The following URI1 variants were observed in gnomAD, a reference collection of about 807,000 sequenced individuals.
URI1 encodes the protein unconventional prefoldin RPB5 interactor 1.
URI1 carries 39 observed loss-of-function variants against 60.2 expected under a neutral mutation model. That is an observed-to-expected ratio of 0.65 (90% CI 0.50 to 0.85). URI1 has a LOEUF of 0.85. Ranked by LOEUF, URI1 falls within the 40% of genes least tolerant of loss-of-function variation. The pLI is 0.00. For missense variants in URI1, 691 were observed against 665.9 expected (o/e 1.04, Z -0.42); for synonymous variants, 251 against 236.8 (o/e 1.06, Z -0.55).
chr19:29,980,530 G>A (rs772866327), intron 2 of URI1, among the ~76,000 whole-genome samples: 13 of 142,346 alleles, frequency 9.1e-5, no homozygotes, highest in Admixed American at 5.2e-4. Context: ...CTCTTTCCCC[G>A]TTAGGCATCT....
chr19:29,984,854 G>T (rs761678326), intron 2 of URI1, among the ~76,000 whole-genome samples: 4 of 151,964 alleles, frequency 2.6e-5, no homozygotes, highest in African/African-American at 7.3e-5. Flanking sequence ...AGGTGCAGTG[G>T]CTCACGCCTG....
chr19:29,996,434 C>G (rs1287684372), intron 4 of URI1, among the ~76,000 whole-genome samples: 1 of 151,870 alleles, frequency 6.6e-6, no homozygotes, highest in East Asian at 1.9e-4. Flanking sequence ...GATTTTGCAT[C>G]CTGCAACTTT....
chr19:29,926,711 G>T (rs2054871409), intron 1 of URI1, among the ~76,000 whole-genome samples: 1 of 152,240 alleles, frequency 6.6e-6, no homozygotes, highest in African/African-American at 2.4e-5. Flanking sequence ...AAGAAAATGT[G>T]TGAAACGACC....
At chr19:29,977,696 C>A (rs1219113097) in intron 2 of URI1, among the ~76,000 whole-genome samples, 1 of 150,476 alleles carries the variant, frequency 6.6e-6, no homozygotes, top group Non-Finnish European at 1.5e-5. Flanking sequence ...TCATATATGT[C>A]AAATCTTGTC....
At chr19:29,956,473 C>A in intron 1 of URI1, 1 of 1,590,570 alleles carries the variant, frequency 6.3e-7, no homozygotes, top group African/African-American at 1.3e-5. Context: ...CAAAAATTTC[C>A]TGATATCCTT....
intron 3 of URI1, 65 bp downstream of exon 3, chr19:29,985,366 G>T: frequency 7.2e-7 from 1 of 1,384,146 alleles, no homozygotes; most frequent in Non-Finnish European, 1.0e-6. Flanking sequence ...CTATGTGTCG[G>T]TTCACAGAAT....
intron 1 of URI1, among the ~76,000 whole-genome samples, chr19:29,945,253 A>G (rs1452701259): frequency 2.0e-5 from 3 of 152,202 alleles, no homozygotes; most frequent in Non-Finnish European, 4.4e-5. Context: ...TTAGGGCATA[A>G]TCTTCTCTGG....
At position 29,962,805 on chromosome 19, in the gene URI1, T is replaced by A. The variant is rs372572695; in HGVS notation, c.118-8388T>A. 6.3e-4 allele frequency among the ~76,000 whole-genome samples: 96 copies of A among 152,352 alleles called. 1 individual carries two copies. The South Asian group carries it at 6.6e-3, about 11-fold the overall frequency. ...AACCGTATTTCTTTTAATGAAAGTCTGCTGGTGCAGAATTCTGTTTCTGTT... is the reference window on the plus strand; with the variant it reads ...AACCGTATTTCTTTTAATGAAAGTCAGCTGGTGCAGAATTCTGTTTCTGTT... On this transcript the variant is annotated intron_variant, in intron 1 of 10. Coordinates refer to ENST00000392271, the MANE Select transcript of URI1 (RefSeq NM_003796.3).
At chr19:29,994,419 C>T (rs1291398499) in intron 4 of URI1, among the ~76,000 whole-genome samples, 3 of 151,554 alleles carry the variant, frequency 2.0e-5, no homozygotes, top group African/African-American at 7.3e-5. Context: ...GGTGATAACT[C>T]CCCATTTTTT....
chr19:29,986,394 G>A lies in URI1; in HGVS notation c.344G>A (p.Gly115Asp), dbSNP rs149206403. ...FAKCSAKQAV[G>D]LVEHRKEHVR... ...AAGTGCTCAGCAAAGCAGGCTGTAG[G>A]TTTAGTTGAGCACCGGAAAGAACGT... The change falls in exon 4 of 11, where the codon GGT becomes GAT. Residue 115 changes from glycine (G) to aspartate (D), a missense_variant. Physicochemically the swap from Gly to Asp is moderately conservative, Grantham distance 94. Coordinates refer to ENST00000392271, the MANE Select transcript of URI1 (RefSeq NM_003796.3). 2.5e-6 allele frequency: 4 copies of A among 1,608,586 alleles called. No individual in the cohort carries two copies. Among genetic ancestry groups the A allele is most frequent in the Admixed American group, 1.7e-5 (1 of 57,740 alleles).
chr19:29,980,913 C>CT (rs2055588630), intron 2 of URI1, among the ~76,000 whole-genome samples: 1 of 103,628 alleles, frequency 9.6e-6, no homozygotes, highest in East Asian at 2.8e-4. Context: ...AAGAGTGAGA[C>CT]TCCATCTCCA....
chr19:29,974,568 A>G (rs750507512), intron 2 of URI1, among the ~76,000 whole-genome samples: 4 of 152,108 alleles, frequency 2.6e-5, no homozygotes, highest in Non-Finnish European at 5.9e-5. Context: ...TTATCTTGCC[A>G]TCTACTCCTA....
rs866710858 is a variant in URI1 at position 29,996,820 on chromosome 19, G to A, written c.368-8541G>A. Among the ~76,000 whole-genome samples the A allele has an allele frequency of 3.3e-5, 5 of 151,704 alleles. 1 individual carries two copies. In the South Asian group the frequency reaches 8.3e-4, roughly 25 times the overall value. On this transcript the variant is annotated intron_variant, in intron 4 of 10. Coordinates refer to ENST00000392271, the MANE Select transcript of URI1 (RefSeq NM_003796.3). ...GAGTTTTTTTTTTTAATCATGAAAGGTTGTTGGATTTTGTCAAAGGCTTTT... is the reference window on the plus strand; with the variant it reads ...GAGTTTTTTTTTTTAATCATGAAAGATTGTTGGATTTTGTCAAAGGCTTTT...
chr19:29,975,596 C>T (rs113917821), intron 2 of URI1, among the ~76,000 whole-genome samples: 2 of 150,396 alleles, frequency 1.3e-5, no homozygotes, highest in African/African-American at 4.9e-5. Context: ...TTCTGCCTCG[C>T]GGGTTCAAGC....
chr19:29,986,034 T>C (rs1037802775), intron 3 of URI1, among the ~76,000 whole-genome samples: 5 of 152,240 alleles, frequency 3.3e-5, no homozygotes, highest in Non-Finnish European at 7.3e-5. Flanking sequence ...TTAAGAGCTA[T>C]ATGTAAATAT....
intron 1 of URI1, among the ~76,000 whole-genome samples, chr19:29,966,597 T>C (rs1599682373): frequency 6.6e-6 from 1 of 152,238 alleles, no homozygotes; most frequent in African/African-American, 2.4e-5. Context: ...AGTACACTAT[T>C]TGTATACTTT....
At chr19:29,977,688 A>G (rs542722918) in intron 2 of URI1, among the ~76,000 whole-genome samples, 1 of 151,546 alleles carries the variant, frequency 6.6e-6, no homozygotes, top group Non-Finnish European at 1.5e-5. Flanking sequence ...GGGAAGAATC[A>G]TATATGTCAA....
chr19:29,954,488 TCTTA>T (rs890675589), intron 1 of URI1, among the ~76,000 whole-genome samples: 4 of 151,092 alleles, frequency 2.6e-5, no homozygotes, highest in African/African-American at 7.3e-5. Context: ...CCATTCCTGC[TCTTA>T]CTTACCCCTA....
chr19:29,942,569 A>C lies in URI1; in HGVS notation c.22A>C (p.Thr8Pro). The C allele has an allele frequency of 7.0e-7, 1 of 1,419,716 alleles. No individual in the cohort carries two copies. The allele number at this position is 1,419,716 out of a possible 1,614,324, so 87.9% of individuals were successfully genotyped here. A position where few individuals can be genotyped will look rare whatever the true frequency, so the allele number is the denominator to read the frequency against. The change falls in exon 1 of 11, where the codon ACG becomes CCG. Residue 8 changes from threonine (T) to proline (P), a missense_variant. Thr to Pro is a conservative substitution (Grantham distance 38). Transcript: ENST00000392271. MEAPTVE[T>P]PPDPSPPSAP... ...CGTCATGGAGGCGCCCACCGTGGAG[A>C]CGCCCCCCGACCCCTCGCCCCCTTC...
Sources: gnomAD v4.1 joint callset for allele counts (sites outside exome capture counted in the v4.1 genomes callset) on GRCh38, gnomAD v4.1.1 for gene constraint, MANE v1.5 for transcripts, NCBI Gene and HGNC (gene_info 2026-07-23, HGNC 2026-07-21) for gene names.